Variants in MGAM observed in about 807,000 individuals in gnomAD.
MGAM encodes maltase-glucoamylase.
A neutral mutation model predicts 358.8 loss-of-function variants in MGAM; 253 were observed. The ratio of observed to expected loss-of-function variants is 0.71; its 90% CI spans 0.64 to 0.78. MGAM has a LOEUF of 0.78. MGAM is among the 30% of genes least tolerant of loss of function. MGAM has a pLI of 0.00. For synonymous variants in MGAM, 1,105 were observed against 1,227.1 expected, an observed-to-expected ratio of 0.90 and a Z score of 2.08; for missense variants, 3,080 against 3,432.6, an observed-to-expected ratio of 0.90 and a Z score of 2.57.
intron 3 of MGAM, among the ~76,000 whole-genome samples, chr7:142,017,582 A>C (rs969923309): frequency 2.6e-5 from 4 of 152,122 alleles, no homozygotes; most frequent in Admixed American, 1.3e-4. Flanking sequence ...GTATACAAAA[A>C]CCATCATGCT....
rs373927851 is a variant in MGAM, at chr7:142,030,787, G to A, written c.1470+30G>A. The A allele has an allele frequency of 2.1e-6, 3 of 1,444,986 alleles. No homozygotes were observed. In the African/African-American group the frequency reaches 4.2e-5, roughly 20 times the overall value. 89.5% of individuals were successfully genotyped at this position (1,444,986 alleles called of 1,614,324 possible). ...CTTAATGGGAAGGCTGGAGGCTGGT[G>A]GAGGGGCTGCATAGGGGTGTTTGAA... On this transcript the variant is annotated intron_variant, in intron 12 of 70. Transcript: ENST00000475668.
In MGAM at chr7:142,092,015, G is replaced by A; in HGVS notation, c.6913G>A (p.Glu2305Lys). The change falls in exon 58 of 71, where the codon GAG becomes AAG. Residue 2305 changes from glutamate to lysine, a missense_variant. By Grantham distance (56) the Glu-to-Lys change is moderately conservative (BLOSUM62 1). Transcript: ENST00000475668. Reference protein sequence around the residue: ...EELYNNPQNPERSLKFDGMWI... With the variant: ...EELYNNPQNPKRSLKFDGMWI... ...ACTATACAACAATCCACAGAATCCA[G>A]AGAGGAGCTTGAAGTTTGATGGCAT... is the stretch of plus-strand genomic sequence containing the variant. The A allele has an allele frequency of 6.5e-7, 1 of 1,536,850 alleles. No homozygotes were observed. The highest frequency in any genetic ancestry group is 1.2e-5 in the South Asian group (1 of 85,910).
intron 29 of MGAM, among the ~76,000 whole-genome samples, chr7:142,056,455 A>G (rs1163925840): frequency 6.6e-6 from 1 of 152,108 alleles, no homozygotes; most frequent in East Asian, 1.9e-4. Flanking sequence ...ATGTTGGAAA[A>G]TTACCTATCG....
chr7:142,073,861 C>T lies in MGAM; in HGVS notation c.5187-224C>T, dbSNP rs1042037050. 3.4e-5 allele frequency among the ~76,000 whole-genome samples: 5 copies of T among 146,124 alleles called. 1 individual carries two copies. The highest frequency in any genetic ancestry group is 1.2e-4 in the African/African-American group (5 of 41,116). ...GTGCCTCTGGTGCTTAAATTCTTGCCTCCAACGTAGATGTTATTGTTAATG... is the reference window on the plus strand; with the variant it reads ...GTGCCTCTGGTGCTTAAATTCTTGCTTCCAACGTAGATGTTATTGTTAATG... On this transcript the variant is annotated intron_variant, in intron 44 of 70. Transcript: ENST00000475668.
intron 35 of MGAM, among the ~76,000 whole-genome samples, 181 bp from the exon 36 acceptor site, chr7:142,063,318 G>A (rs552890212): frequency 1.4e-4 from 21 of 152,138 alleles, no homozygotes; most frequent in African/African-American, 2.6e-4. Flanking sequence ...CTAGCCAGTC[G>A]TTCTGTAGGA....
rs199810911 is a variant in MGAM at position 142,054,891 on chromosome 7, G to T, written c.3297G>T (p.Lys1099Asn). The T allele has an allele frequency of 3.5e-5, 57 of 1,613,870 alleles. No homozygotes were observed. The highest frequency in any genetic ancestry group is 4.6e-5 in the Non-Finnish European group (54 of 1,179,810). ...CATTTGGGATTGAAATTCGCCGGAA[G>T]AGTACAGGCACTATAATGTGAGTGG... ...KNPFGIEIRR[K>N]STGTIIWDSQ... is the part of the protein sequence containing the mutation. The change falls in exon 27 of 71, where the codon AAG becomes AAT. Residue 1099 changes from lysine (K) to asparagine (N), a missense_variant. By Grantham distance (94) the Lys-to-Asn change is moderately conservative. Coordinates refer to ENST00000475668, the MANE Select transcript of MGAM (RefSeq NM_001365693.1).
chr7:142,094,963 ATTT>A (rs138070479), intron 63 of MGAM, 100 bp downstream of exon 63: 35,948 of 820,334 alleles, frequency 0.044, 17 homozygotes, highest in Non-Finnish European at 0.048. Context: ...TATCTTTAAA[ATTT>A]TTTTTTTTTT....
chr7:141,995,644 C>T (rs781968481), upstream of MGAM, among the ~76,000 whole-genome samples: 6 of 152,152 alleles, frequency 3.9e-5, no homozygotes, highest in Non-Finnish European at 7.4e-5. Flanking sequence ...ACCGATTAAA[C>T]ATTCAGTGCC....
chr7:142,098,406 T>G (rs1365560974), intron 66 of MGAM, among the ~76,000 whole-genome samples: 1 of 152,126 alleles, frequency 6.6e-6, no homozygotes, highest in East Asian at 1.9e-4. Context: ...GGGCCTCTTC[T>G]GACTTTCTGA....
At chr7:142,037,141 A>G (rs189859087) in intron 18 of MGAM, among the ~76,000 whole-genome samples, 164 bp downstream of exon 18, 1 of 152,152 alleles carries the variant, frequency 6.6e-6, no homozygotes, top group Non-Finnish European at 1.5e-5. Context: ...CTATCTATCT[A>G]TCTATCTAAC....
chr7:142,063,676 A>AG, intron 36 of MGAM, 90 bp downstream of exon 36: 1 of 1,406,954 alleles, frequency 7.1e-7, no homozygotes, highest in Non-Finnish European at 9.8e-7. Context: ...CCCACAGCTG[A>AG]GGGCACATCC....
intron 2 of MGAM, among the ~76,000 whole-genome samples, chr7:141,989,649 G>A (rs372416823): frequency 1.3e-5 from 2 of 151,362 alleles, no homozygotes; most frequent in East Asian, 3.9e-4. Context: ...TCAAACTCCT[G>A]GGCTCAAGTG....
At position 142,052,794 on chromosome 7, in the gene MGAM, C is replaced by T. The variant is rs1439293104; in HGVS notation, c.2969C>T (p.Ser990Phe). The change falls in exon 26 of 71, where the codon TCT (serine) becomes TTT (phenylalanine). Residue 990 changes from serine to phenylalanine, a missense_variant. Coordinates refer to ENST00000475668, the MANE Select transcript of MGAM (RefSeq NM_001365693.1). Reference sequence around the variant, plus strand: ...GGCCTTACTTTTCAGGCATCCAATTCTTCTGGAGTCCCTTTTTGCTATTTT... The same window carrying T: ...GGCCTTACTTTTCAGGCATCCAATTTTTCTGGAGTCCCTTTTTGCTATTTT... ...ARGCIWEASN[S>F]SGVPFCYFVN... The T allele has an allele frequency of 4.3e-6, 7 of 1,613,818 alleles. No homozygotes were observed. Among genetic ancestry groups the T allele is most frequent in the Non-Finnish European group, 5.1e-6 (6 of 1,179,796 alleles).
chr7:142,052,389 C>T lies in MGAM; in HGVS notation c.2901C>T (p.Tyr967=). ...GGGATGAAGAAAAAATAGACTGTTACCCTGATGAGAATGGTGCTTCTGCCG... is the reference window on the plus strand; with the variant it reads ...GGGATGAAGAAAAAATAGACTGTTATCCTGATGAGAATGGTGCTTCTGCCG... ...KIRDEEKIDC[Y]PDENGASAEN... Residue 967 remains tyrosine, a synonymous_variant, in exon 25 of 71, where the codon TAC becomes TAT. Coordinates refer to ENST00000475668, the MANE Select transcript of MGAM (RefSeq NM_001365693.1). The T allele has an allele frequency of 1.2e-6, 2 of 1,613,088 alleles. No homozygotes were observed. The highest frequency in any genetic ancestry group is 1.1e-5 in the South Asian group (1 of 90,882).
intron 67 of MGAM, 106 bp downstream of exon 67, chr7:142,099,843 A>G (rs1205064337): frequency 4.8e-6 from 7 of 1,457,516 alleles, no homozygotes; most frequent in Non-Finnish European, 6.5e-6. Context: ...ATGCAATTCT[A>G]CTCAACACTT....
chr7:142,050,231 T>G lies in MGAM; in HGVS notation c.2588-4T>G, dbSNP rs1006178959. The G allele has an allele frequency of 1.9e-6, 3 of 1,613,822 alleles. No individual in the cohort carries two copies. The highest frequency in any genetic ancestry group is 2.5e-6 in the Non-Finnish European group (3 of 1,179,730). On this transcript the variant is annotated splice_region_variant and splice_polypyrimidine_tract_variant and intron_variant, in intron 22 of 70. Transcript: ENST00000475668. ...AATCTGACTTGTCTTTCTCTCACTT[T>G]CAGATACTGTGGCCAATAAAGTGTA...
rs565098649 is a variant in MGAM, at chr7:142,019,380, C to A, written c.448+61C>A. 196 of 1,571,786 alleles carry A rather than the reference C, an allele frequency of 1.2e-4. No individual in the cohort carries two copies. The African/African-American group carries it at 2.3e-3, about 18-fold the overall frequency. On this transcript the variant is annotated intron_variant, in intron 4 of 70. Transcript: ENST00000475668. The stretch of plus-strand genomic sequence containing the variant: ...ACCCTCTGGAGGTTGACTCTGTATC[C>A]CCCAGGGGCAGCCTGCAGAGTTCTG...
chr7:142,091,938 C>A lies in MGAM; in HGVS notation c.6836C>A (p.Pro2279Gln), dbSNP rs1189229215. The A allele has an allele frequency of 2.6e-6, 4 of 1,523,374 alleles. 1 individual carries two copies. The highest frequency in any genetic ancestry group is 1.8e-6 in the Non-Finnish European group (2 of 1,111,090). The allele number at this position is 1,523,374 out of a possible 1,614,324, so 94.4% of individuals were successfully genotyped here. A position where few individuals can be genotyped will look rare whatever the true frequency, so the allele number is the denominator to read the frequency against. The change falls in exon 58 of 71, where the codon CCA (proline) becomes CAA (glutamine). Residue 2279 changes from proline (P) to glutamine (Q), a missense_variant. Pro to Gln is a moderately conservative substitution (Grantham distance 76, BLOSUM62 -1). Coordinates refer to ENST00000475668, the MANE Select transcript of MGAM (RefSeq NM_001365693.1). ...CTATATCGAGCTTATGTGGCCTTCC[C>A]AGACTTTTTCCGTAATTCAACTGCC... ...VELYRAYVAF[P>Q]DFFRNSTAKW... is the part of the protein sequence containing the mutation.
chr7:142,062,489 G>A lies in MGAM; in HGVS notation c.4123-79G>A, dbSNP rs968888976. ...CACCATGCAGTTGAAGTATTTGTGTGAGTTGCATTCTCAGTAAGTGCCTGT... is the reference window on the plus strand; with the variant it reads ...CACCATGCAGTTGAAGTATTTGTGTAAGTTGCATTCTCAGTAAGTGCCTGT... On this transcript the variant is annotated intron_variant, in intron 34 of 70. Transcript: ENST00000475668. 61 of 1,527,132 alleles carry A rather than the reference G, an allele frequency of 4.0e-5. No homozygotes were observed. In the South Asian group the frequency reaches 7.4e-4, roughly 18 times the overall value. 94.6% of individuals were successfully genotyped at this position (1,527,132 alleles called of 1,614,324 possible).
Sources: allele counts gnomAD v4.1 joint callset (sites outside exome capture counted in the v4.1 genomes callset), GRCh38; gene constraint gnomAD v4.1.1; transcripts MANE v1.5; gene names NCBI Gene and HGNC (gene_info 2026-07-23, HGNC 2026-07-21).